The following ZYG11B variants were observed in gnomAD, a reference collection of about 807,000 sequenced individuals.
The protein encoded by ZYG11B is protein zyg-11 homolog B.
Under a neutral mutation model 82.4 loss-of-function variants are expected in ZYG11B, and 36 were observed. The observed-to-expected ratio is 0.44, with a 90% confidence interval of 0.33 to 0.58. ZYG11B has a LOEUF of 0.58. Ranked by LOEUF, ZYG11B falls within the 20% of genes least tolerant of loss-of-function variation. The pLI, the probability that ZYG11B is intolerant of heterozygous loss-of-function variation, is 0.02. For synonymous variants in ZYG11B, 303 were observed against 312.8 expected (o/e 0.97, Z 0.33); for missense variants, 552 against 895.6 (o/e 0.62, Z 4.90).
In ZYG11B at chr1:52,771,809, G is replaced by A. The variant is rs756203781; in HGVS notation, c.951+35G>A. On this transcript the variant is annotated intron_variant, in intron 3 of 13. Transcript: ENST00000294353. The surrounding 1 kb of genome is among the most constrained non-coding windows in gnomAD (Gnocchi z 5.4). Reference sequence around the variant, plus strand: ...TAAAAATGTATTATTTTGTCAGGCTGACCAATATCTTAGTTGCATAAGACT... The same window carrying A: ...TAAAAATGTATTATTTTGTCAGGCTAACCAATATCTTAGTTGCATAAGACT... The A allele has an allele frequency of 1.9e-6, 3 of 1,571,238 alleles. No homozygotes were observed. In the African/African-American group the frequency reaches 4.1e-5, roughly 21 times the overall value.
At chr1:52,732,579 A>T (rs373834529) in intron 1 of ZYG11B, among the ~76,000 whole-genome samples, 1 of 152,192 alleles carries the variant, frequency 6.6e-6, no homozygotes, top group African/African-American at 2.4e-5. Context: ...TACAGAGGTT[A>T]AAAAAAGACA....
At chr1:52,817,218 A>C (rs1267028672) in intron 13 of ZYG11B, among the ~76,000 whole-genome samples, 1 of 152,164 alleles carries the variant, frequency 6.6e-6, no homozygotes, top group East Asian at 1.9e-4. Flanking sequence ...CAGTGAGTCC[A>C]TTTGTTGAGT....
chr1:52,798,749 A>C (rs142467606), intron 8 of ZYG11B, among the ~76,000 whole-genome samples: 3 of 152,304 alleles, frequency 2.0e-5, no homozygotes, highest in Admixed American at 6.5e-5. Flanking sequence ...CTTGGTTACA[A>C]TCAGTTGAGG....
intron 4 of ZYG11B, among the ~76,000 whole-genome samples, chr1:52,781,453 C>A (rs921378149): frequency 6.6e-6 from 1 of 151,992 alleles, no homozygotes; most frequent in African/African-American, 2.4e-5. Flanking sequence ...GAGCTGAGAT[C>A]ATGCTACCAC....
At chr1:52,742,280 CG>C (rs1644436838) in intron 1 of ZYG11B, among the ~76,000 whole-genome samples, 1 of 151,598 alleles carries the variant, frequency 6.6e-6, no homozygotes, top group Admixed American at 6.6e-5. Context: ...AGTAAGACCC[CG>C]TCTCTACACA....
intron 12 of ZYG11B, among the ~76,000 whole-genome samples, chr1:52,814,754 G>A (rs1161990710): frequency 6.6e-6 from 1 of 152,074 alleles, no homozygotes; most frequent in Non-Finnish European, 1.5e-5. Context: ...AGTGAGTTGT[G>A]ACCTGAGTGT....
intron 3 of ZYG11B, among the ~76,000 whole-genome samples, chr1:52,773,999 A>AT (rs1644781759): frequency 1.3e-5 from 2 of 151,982 alleles, no homozygotes; most frequent in African/African-American, 4.8e-5. Flanking sequence ...GTAGCTCAGT[A>AT]GAGAGCATTC....
chr1:52,733,418 A>G (rs1644350872), intron 1 of ZYG11B, among the ~76,000 whole-genome samples: 1 of 152,132 alleles, frequency 6.6e-6, no homozygotes, highest in South Asian at 2.1e-4. Context: ...CCACATCTAT[A>G]ATCCCAACAC....
In ZYG11B at chr1:52,749,197, A is replaced by G. The variant is rs541949147; in HGVS notation, c.31-7261A>G. Among the ~76,000 whole-genome samples the G allele has an allele frequency of 5.3e-5, 8 of 152,240 alleles. No individual in the cohort carries two copies. In the South Asian group the frequency reaches 1.2e-3, roughly 24 times the overall value. Reference sequence around the variant, plus strand: ...CAGCTTGGACAACAAGTGCCAAACTATCTCCAAAAAAATAAACAAAATACC... The same window carrying G: ...CAGCTTGGACAACAAGTGCCAAACTGTCTCCAAAAAAATAAACAAAATACC... On this transcript the variant is annotated intron_variant, in intron 1 of 13. Coordinates refer to ENST00000294353, the MANE Select transcript of ZYG11B (RefSeq NM_024646.3).
chr1:52,736,677 T>A (rs1460310488), intron 1 of ZYG11B, among the ~76,000 whole-genome samples: 3 of 152,186 alleles, frequency 2.0e-5, no homozygotes, highest in Non-Finnish European at 4.4e-5. Flanking sequence ...GGTCTCGAAC[T>A]CCTGACCTCA....
At chr1:52,740,162 T>C (rs774739235) in intron 1 of ZYG11B, among the ~76,000 whole-genome samples, 1 of 152,234 alleles carries the variant, frequency 6.6e-6, no homozygotes, top group Non-Finnish European at 1.5e-5. Flanking sequence ...AGGAAAATAG[T>C]GCTAAAGTAT....
In ZYG11B at chr1:52,726,527, GAA is replaced by G; in HGVS notation, c.-125_-124del. 1.1e-6 allele frequency: 1 copy of G among 894,286 alleles called. No homozygotes were observed. Among genetic ancestry groups the G allele is most frequent in the Non-Finnish European group, 1.5e-6 (1 of 663,090 alleles). 55.4% of individuals were successfully genotyped at this position (894,286 alleles called of 1,614,324 possible). A position where few individuals can be genotyped will look rare whatever the true frequency, so the allele number is the denominator to read the frequency against. On this transcript the variant is annotated 5_prime_UTR_variant, in exon 1 of 14. Transcript: ENST00000294353. ...CTACTGCTACGCTCCTAGCTTGAGG[GAA>G]AGAGGCCGAGGCCTGGGCCAAGCCC...
intron 10 of ZYG11B, among the ~76,000 whole-genome samples, chr1:52,803,183 TATATACACATATATATATATACAC>T (rs1645102619): frequency 1.2e-5 from 1 of 80,510 alleles, no homozygotes; most frequent in African/African-American, 1.1e-4. Context: ...CATATATATA[TATATACACATATATATATATACAC>T]ACACATATAT....
chr1:52,816,652 TG>T (rs766891020), intron 13 of ZYG11B, 23 bp downstream of exon 13: 41 of 1,518,824 alleles, frequency 2.7e-5, no homozygotes, highest in Non-Finnish European at 3.4e-5. Flanking sequence ...AAAAAAGAAC[TG>T]TGTTTTTTTT....
At chr1:52,730,973 T>C (rs942903043) in intron 1 of ZYG11B, among the ~76,000 whole-genome samples, 1 of 151,914 alleles carries the variant, frequency 6.6e-6, no homozygotes, top group Non-Finnish European at 1.5e-5. Context: ...AGGAGTTATG[T>C]AAAGAATAGT....
intron 3 of ZYG11B, chr1:52,772,070 A>G (rs1299630811): frequency 6.8e-6 from 5 of 739,756 alleles, no homozygotes; most frequent in African/African-American, 3.6e-5. Flanking sequence ...TGGCTAAACA[A>G]TAGGTTGTCT....
rs149093648 is a variant in ZYG11B, at chr1:52,819,558, C to A, written c.2045-1881C>A. 2.9e-3 allele frequency among the ~76,000 whole-genome samples: 438 copies of A among 151,992 alleles called. 4 individuals are homozygous for A. The highest frequency in any genetic ancestry group is 9.6e-3 in the African/African-American group (400 of 41,458). On this transcript the variant is annotated intron_variant, in intron 13 of 13. Coordinates refer to ENST00000294353, the MANE Select transcript of ZYG11B (RefSeq NM_024646.3). ...TTCCCAGCACTTTCGGAGGCCAAGG[C>A]GGGTGGATCACGAAGTCAGGAGATC...
At chr1:52,803,265 T>C (rs141563157) in intron 10 of ZYG11B, among the ~76,000 whole-genome samples, 13,816 of 70,846 alleles carry the variant, frequency 0.2, 2,268 homozygotes, top group East Asian at 0.33. Context: ...TATATATATA[T>C]ACACACACAC....
At chr1:52,736,875 C>T (rs192949274) in intron 1 of ZYG11B, among the ~76,000 whole-genome samples, 166 of 152,216 alleles carry the variant, frequency 1.1e-3, no homozygotes, top group African/African-American at 3.9e-3. Flanking sequence ...AGGTGTGAGC[C>T]GCTGTGCCTG....
Sources: gnomAD v4.1 joint callset for allele counts (sites outside exome capture counted in the v4.1 genomes callset) on GRCh38, gnomAD v4.1.1 for gene constraint, Gnocchi (gnomAD v3.1) non-coding constraint, MANE v1.5 for transcripts, NCBI Gene and HGNC (gene_info 2026-07-23, HGNC 2026-07-21) for gene names.